Variants in DYM observed in about 807,000 individuals in gnomAD.
The protein encoded by DYM is dyggve-Melchior-Clausen syndrome protein.
A neutral mutation model predicts 93.1 loss-of-function variants in DYM; 78 were observed. The observed-to-expected ratio is 0.84, with a 90% CI of 0.70 to 1.01. DYM has a LOEUF of 1.01. DYM is among the 50% of genes least tolerant of loss of function. DYM has a pLI of 0.00. For synonymous variants in DYM, 321 were observed against 319.7 expected (o/e 1.00, Z -0.04); for missense variants, 789 against 845.0 (o/e 0.93, Z 0.82).
At chr18:49,199,800 T>C (rs180883105) in intron 14 of DYM, among the ~76,000 whole-genome samples, 3 of 152,344 alleles carry the variant, frequency 2.0e-5, no homozygotes, top group Admixed American at 6.5e-5. Flanking sequence ...GTCTTAGATT[T>C]AGACTGAAGA....
chr18:49,232,539 G>A (rs768653346), intron 13 of DYM, among the ~76,000 whole-genome samples: 6 of 149,640 alleles, frequency 4.0e-5, no homozygotes, highest in South Asian at 2.1e-4. Flanking sequence ...TCCTGACCTC[G>A]TGATCTGCTC....
At chr18:49,130,145 G>A (rs1331649444) in intron 15 of DYM, among the ~76,000 whole-genome samples, 1 of 152,138 alleles carries the variant, frequency 6.6e-6, no homozygotes, top group Non-Finnish European at 1.5e-5. Context: ...CAGGATTGAG[G>A]CTGGACTAGG....
intron 17 of DYM, among the ~76,000 whole-genome samples, chr18:49,074,501 A>G (rs903944199): frequency 5.3e-5 from 8 of 152,346 alleles, no homozygotes; most frequent in Admixed American, 2.6e-4. Flanking sequence ...TATTGTGCTT[A>G]GGAACCATTT....
chr18:49,315,333 A>G (rs1599358739), intron 8 of DYM, among the ~76,000 whole-genome samples: 2 of 152,230 alleles, frequency 1.3e-5, no homozygotes, highest in Admixed American at 1.3e-4. Flanking sequence ...TTATCATTCA[A>G]TATCAGAACT....
chr18:49,126,003 A>G (rs1157721299), intron 15 of DYM, among the ~76,000 whole-genome samples: 1 of 152,188 alleles, frequency 6.6e-6, no homozygotes, highest in Non-Finnish European at 1.5e-5. Context: ...CTAGATGTCT[A>G]GCATTTGGAT....
intron 13 of DYM, among the ~76,000 whole-genome samples, chr18:49,235,007 A>G (rs919633335): frequency 6.6e-6 from 1 of 152,096 alleles, no homozygotes; most frequent in African/African-American, 2.4e-5. Context: ...TCTGCCAACA[A>G]CCTTAATGAG....
chr18:49,440,045 TAA>T (rs1198466419), intron 1 of DYM, among the ~76,000 whole-genome samples: 1 of 128,244 alleles, frequency 7.8e-6, no homozygotes, highest in Non-Finnish European at 1.7e-5. Context: ...AATAAATAAA[TAA>T]ATAAATAAAA....
At chr18:49,232,435 C>G (rs2093724722) in intron 13 of DYM, among the ~76,000 whole-genome samples, 1 of 150,554 alleles carries the variant, frequency 6.6e-6, no homozygotes, top group African/African-American at 2.4e-5. Context: ...TCCCGAGTAG[C>G]TAGGACTACA....
At chr18:49,259,914 A>G (rs1277915285) in intron 11 of DYM, among the ~76,000 whole-genome samples, 1 of 152,190 alleles carries the variant, frequency 6.6e-6, no homozygotes, top group Non-Finnish European at 1.5e-5. Context: ...ATAAATAAAT[A>G]ATAAACTGTG....
At chr18:49,065,631 G>A (rs1473384538) in intron 17 of DYM, among the ~76,000 whole-genome samples, 5 of 151,726 alleles carry the variant, frequency 3.3e-5, no homozygotes, top group Non-Finnish European at 7.4e-5. Flanking sequence ...CAAAATGCTG[G>A]GATTACAGGC....
chr18:49,272,856 T>C (rs545394926), intron 10 of DYM, among the ~76,000 whole-genome samples: 12 of 152,282 alleles, frequency 7.9e-5, no homozygotes, highest in East Asian at 5.8e-4. Flanking sequence ...CTGTTTACCA[T>C]TGTGCTTATT....
chr18:49,267,771 G>A (rs929585870), intron 11 of DYM, among the ~76,000 whole-genome samples: 1 of 152,048 alleles, frequency 6.6e-6, no homozygotes, highest in Non-Finnish European at 1.5e-5. Flanking sequence ...GGTGGCGTGT[G>A]CCTGTAGTCC....
intron 14 of DYM, among the ~76,000 whole-genome samples, chr18:49,176,968 C>A (rs2089452427): frequency 6.6e-6 from 1 of 151,934 alleles, no homozygotes; most frequent in Non-Finnish European, 1.5e-5. Flanking sequence ...AAATTATGTT[C>A]TGTAAAGAAA....
At chr18:49,174,451 C>G (rs1419398702) in intron 14 of DYM, among the ~76,000 whole-genome samples, 1 of 152,076 alleles carries the variant, frequency 6.6e-6, no homozygotes, top group Non-Finnish European at 1.5e-5. Context: ...GCCTGGTAAT[C>G]CGAGTCTAGA....
At chr18:49,410,106 C>A (rs1458624962) in intron 2 of DYM, among the ~76,000 whole-genome samples, 1 of 152,054 alleles carries the variant, frequency 6.6e-6, no homozygotes, top group Non-Finnish European at 1.5e-5. Flanking sequence ...CGATGCATTC[C>A]CAAGGCTGGA....
intron 13 of DYM, among the ~76,000 whole-genome samples, chr18:49,243,502 T>G (rs2094084688): frequency 6.6e-6 from 1 of 151,794 alleles, no homozygotes; most frequent in African/African-American, 2.4e-5. Flanking sequence ...CTGTCTCTAC[T>G]AAAAATGCAA....
At chr18:49,070,311 G>C (rs1019644267) in intron 17 of DYM, among the ~76,000 whole-genome samples, 1 of 152,194 alleles carries the variant, frequency 6.6e-6, no homozygotes, top group Non-Finnish European at 1.5e-5. Flanking sequence ...ACTATTCCAG[G>C]ATGTAGGTAA....
intron 1 of DYM, among the ~76,000 whole-genome samples, chr18:49,435,940 A>C (rs1295540757): frequency 6.6e-6 from 1 of 152,216 alleles, no homozygotes; most frequent in Non-Finnish European, 1.5e-5. Context: ...ATGAGATATT[A>C]GGATCTCATA....
intron 13 of DYM, among the ~76,000 whole-genome samples, chr18:49,217,609 TA>T (rs1166137206): frequency 6.6e-6 from 1 of 152,158 alleles, no homozygotes; most frequent in African/African-American, 2.4e-5. Flanking sequence ...TCAACATTCT[TA>T]AAGAAAAGAA....
Sources: allele counts gnomAD v4.1 joint callset (sites outside exome capture counted in the v4.1 genomes callset), GRCh38; gene constraint gnomAD v4.1.1; transcripts MANE v1.5; gene names NCBI Gene and HGNC (gene_info 2026-07-23, HGNC 2026-07-21).